Variants in WDR49 observed in about 807,000 individuals in gnomAD.
WDR49 encodes the protein WD repeat domain 49.
Under a neutral mutation model 119.5 loss-of-function variants are expected in WDR49, and 107 were observed. That is an observed-to-expected ratio of 0.90 (90% CI 0.77 to 1.05). WDR49 has a LOEUF of 1.05. Ranked by LOEUF, WDR49 falls within the 50% of genes least tolerant of loss-of-function variation. WDR49 has a pLI of 0.00. For synonymous variants in WDR49, 425 were observed against 418.8 expected (o/e 1.01, Z -0.18); for missense variants, 1,240 against 1,220.5 (o/e 1.02, Z -0.24).
At chr3:167,657,241 T>A (rs1182002169), upstream of WDR49, among the ~76,000 whole-genome samples, 2 of 152,238 alleles carry the variant, frequency 1.3e-5, no homozygotes, top group African/African-American at 4.8e-5. Context: ...TCTGGAATTG[T>A]ATGTTTTACA....
intron 9 of WDR49, among the ~76,000 whole-genome samples, chr3:167,556,948 C>A (rs1250109800): frequency 6.6e-6 from 1 of 152,102 alleles, no homozygotes; most frequent in Non-Finnish European, 1.5e-5. Context: ...TAGCTTGAAC[C>A]CAGAAGGTGG....
chr3:167,533,250 T>C, intron 11 of WDR49, among the ~76,000 whole-genome samples: 1 of 152,156 alleles, frequency 6.6e-6, no homozygotes, highest in East Asian at 1.9e-4. Flanking sequence ...AACAGATGCT[T>C]TGCAAATAAA....
chr3:167,639,939 C>T (rs1717801549), intron 2 of WDR49, among the ~76,000 whole-genome samples: 1 of 151,734 alleles, frequency 6.6e-6, no homozygotes, highest in Non-Finnish European at 1.5e-5. Context: ...GATCTCCAAC[C>T]TCAAATGTCC....
At position 167,611,567 on chromosome 3, in the gene WDR49, TG is replaced by T. The variant is rs536558770; in HGVS notation, c.959-7100del. On this transcript the variant is annotated intron_variant, in intron 5 of 18. Transcript: ENST00000682715. ...GGCAAAAAAACAAGACGCATTGAAC[TG>T]TTATCTTCAAGAAACACACTTCACC... is the stretch of plus-strand genomic sequence containing the variant. Among the ~76,000 whole-genome samples the T allele has an allele frequency of 2.1e-3, 316 of 152,242 alleles. 1 individual carries two copies. The highest frequency in any genetic ancestry group is 6.8e-3 in the Middle Eastern group (2 of 294).
intron 5 of WDR49, among the ~76,000 whole-genome samples, chr3:167,608,869 A>G (rs1305828267): frequency 6.6e-6 from 1 of 152,208 alleles, no homozygotes; most frequent in East Asian, 1.9e-4. Flanking sequence ...GATTATATTT[A>G]TCCATTAAGA....
intron 10 of WDR49, among the ~76,000 whole-genome samples, chr3:167,545,646 A>C (rs896219853): frequency 4.7e-5 from 7 of 150,226 alleles, no homozygotes; most frequent in Non-Finnish European, 1.0e-4. Flanking sequence ...CTCACTTATA[A>C]GTGGAAGCTA....
intron 11 of WDR49, among the ~76,000 whole-genome samples, chr3:167,535,474 C>T (rs563295383): frequency 1.3e-5 from 2 of 152,202 alleles, no homozygotes; most frequent in African/African-American, 2.4e-5. Context: ...AAATGGCCAA[C>T]AGACATACGA....
At chr3:167,508,297 A>G (rs1473935116) in intron 16 of WDR49, among the ~76,000 whole-genome samples, 2 of 152,200 alleles carry the variant, frequency 1.3e-5, no homozygotes, top group Admixed American at 6.5e-5. Flanking sequence ...GGCAACACAG[A>G]ACACTGATAA....
chr3:167,588,566 C>G (rs1472488552), intron 7 of WDR49, among the ~76,000 whole-genome samples: 2 of 152,090 alleles, frequency 1.3e-5, no homozygotes, highest in South Asian at 4.1e-4. Context: ...TGAGAATACC[C>G]TTTTATCCAC....
At position 167,620,589 on chromosome 3, in the gene WDR49, A is replaced by C. The variant is rs1308515990; in HGVS notation, c.798T>G (p.Ala266=). 1.3e-6 allele frequency: 2 copies of C among 1,534,310 alleles called. No individual in the cohort carries two copies. The highest frequency in any genetic ancestry group is 4.9e-5 in the East Asian group (2 of 40,866). Residue 266 remains alanine (A), a synonymous_variant, in exon 5 of 19, where the codon GCT becomes GCG. Transcript: ENST00000682715. The stretch of plus-strand genomic sequence containing the variant: ...ACAGGGAAATCAAGGCTGCGGTGAA[A>C]GCAATTGCTTGAACCTTGACAGAGA... ...GDITGKVQAI[A]FTAALISLFE... is the part of the protein sequence containing the mutation.
intron 8 of WDR49, among the ~76,000 whole-genome samples, chr3:167,562,756 C>T: frequency 6.6e-6 from 1 of 152,176 alleles, no homozygotes; most frequent in East Asian, 1.9e-4. Flanking sequence ...ATTGTTCTAC[C>T]TCGGACATTA....
intron 8 of WDR49, chr3:167,566,967 GA>G (rs1713643227): frequency 1.7e-6 from 1 of 593,270 alleles, no homozygotes; most frequent in Non-Finnish European, 3.0e-6. Flanking sequence ...GGAGGAGGTG[GA>G]AAGGGAGGCA....
At chr3:167,653,094 G>A (rs1346272453) in intron 2 of WDR49, among the ~76,000 whole-genome samples, 167 bp downstream of exon 2, 1 of 152,168 alleles carries the variant, frequency 6.6e-6, no homozygotes, top group African/African-American at 2.4e-5. Flanking sequence ...GAGGGGCAAA[G>A]CTACCAAGCA....
intron 15 of WDR49, among the ~76,000 whole-genome samples, chr3:167,523,298 TA>T (rs1298954934): frequency 5.3e-5 from 8 of 150,316 alleles, no homozygotes; most frequent in East Asian, 3.9e-4. Context: ...TTTAAGGCAA[TA>T]AAAAAATTCA....
intron 2 of WDR49, among the ~76,000 whole-genome samples, chr3:167,652,472 A>G (rs1718432223): frequency 6.6e-6 from 1 of 152,210 alleles, no homozygotes; most frequent in African/African-American, 2.4e-5. Flanking sequence ...AACATAATAT[A>G]GTAGAAATGT....
At chr3:167,581,901 A>AAACAGACTCACATG (rs1714547090) in intron 7 of WDR49, among the ~76,000 whole-genome samples, 12 of 152,204 alleles carry the variant, frequency 7.9e-5, no homozygotes, top group Admixed American at 7.9e-4. Flanking sequence ...GAGAAGTAGA[A>AAACAGACTCACATG]AACAGACTCA....
chr3:167,498,897 A>G (rs1359670321), intron 18 of WDR49, among the ~76,000 whole-genome samples: 1 of 152,106 alleles, frequency 6.6e-6, no homozygotes, highest in Non-Finnish European at 1.5e-5. Context: ...GGAGAAGGTA[A>G]GAGAGAGACT....
At chr3:167,619,086 T>A (rs531346839) in intron 5 of WDR49, among the ~76,000 whole-genome samples, 1 of 152,298 alleles carries the variant, frequency 6.6e-6, no homozygotes, top group Non-Finnish European at 1.5e-5. Context: ...CAGCTTTCTA[T>A]AGGCTTCTCT....
chr3:167,526,596 G>T (rs1752639031), intron 15 of WDR49, among the ~76,000 whole-genome samples: 3 of 152,104 alleles, frequency 2.0e-5, no homozygotes, highest in Admixed American at 2.0e-4. Context: ...TCCTGACTGA[G>T]AAAAGTCTAG....
Sources: gnomAD v4.1 joint callset for allele counts (sites outside exome capture counted in the v4.1 genomes callset) on GRCh38, gnomAD v4.1.1 for gene constraint, MANE v1.5 for transcripts, NCBI Gene and HGNC (gene_info 2026-07-23, HGNC 2026-07-21) for gene names.